Variants in HSPA4L observed in about 807,000 individuals in gnomAD.
The protein encoded by HSPA4L is heat shock 70 kDa protein 4L.
Under a neutral mutation model 100.3 loss-of-function variants are expected in HSPA4L, and 48 were observed. The observed-to-expected ratio is 0.48, with a 90% confidence interval of 0.38 to 0.61. The LOEUF is 0.61. HSPA4L is among the 20% of genes least tolerant of loss of function. The pLI is 0.00. For missense variants in HSPA4L, 886 were observed against 988.6 expected (o/e 0.90, Z 1.39); for synonymous variants, 319 against 328.2 (o/e 0.97, Z 0.30).
Position 127,805,731 on chromosome 4 carries a change from A to G in HSPA4L, c.1182A>G (p.Ile394Met). The change falls in exon 10 of 19, where the codon ATA becomes ATG. Residue 394 changes from isoleucine (I) to methionine (M), a missense_variant. Transcript: ENST00000296464. ...CATTTAAAGTGCGTGAATTTTCCATAACAGACCTTGTTCCCTATTCAATCA... is the reference window on the plus strand; with the variant it reads ...CATTTAAAGTGCGTGAATTTTCCATGACAGACCTTGTTCCCTATTCAATCA... ...SPAFKVREFS[I>M]TDLVPYSITL... 6.2e-7 allele frequency: 1 copy of G among 1,612,864 alleles called. No individual in the cohort carries two copies. The highest frequency in any genetic ancestry group is 8.5e-7 in the Non-Finnish European group (1 of 1,179,228).
intron 16 of HSPA4L, among the ~76,000 whole-genome samples, chr4:127,825,986 T>C (rs536650206): frequency 6.7e-6 from 1 of 148,152 alleles, no homozygotes; most frequent in Admixed American, 6.7e-5. Flanking sequence ...CCAGTAGAAA[T>C]AACTGGAAAT....
At chr4:127,781,860 T>C, upstream of HSPA4L, 1 of 311,760 alleles carries the variant, frequency 3.2e-6, no homozygotes, top group Non-Finnish European at 6.5e-6. Context: ...GGCGAGCCCT[T>C]CTGAGGGCAG....
chr4:127,813,562 A>C (rs893022157), intron 12 of HSPA4L: 4 of 188,784 alleles, frequency 2.1e-5, no homozygotes, highest in African/African-American at 9.6e-5. Flanking sequence ...ATGTAAATTT[A>C]ATCCATTAAG....
chr4:127,823,881 T>C (rs190443403), intron 16 of HSPA4L, among the ~76,000 whole-genome samples: 1 of 152,302 alleles, frequency 6.6e-6, no homozygotes, highest in East Asian at 1.9e-4. Context: ...TCTCAACCAA[T>C]TTTCAAATAT....
chr4:127,801,828 A>G lies in HSPA4L; in HGVS notation c.573A>G (p.Leu191=). 1 of 1,611,588 alleles carries G rather than the reference A, an allele frequency of 6.2e-7. No homozygotes were observed. Among genetic ancestry groups the G allele is most frequent in the Non-Finnish European group, 8.5e-7 (1 of 1,178,302 alleles). ...TTTATAAACAGGATCTTCCCCCATTAGATGAGAAACCAAGAAATGTAGTAT... is the reference window on the plus strand; with the variant it reads ...TTTATAAACAGGATCTTCCCCCATTGGATGAGAAACCAAGAAATGTAGTAT... The part of the protein sequence containing the change: ...YGIYKQDLPP[L]DEKPRNVVFI... Residue 191 remains leucine, a synonymous_variant, in exon 6 of 19, where the codon TTA becomes TTG. Coordinates refer to ENST00000296464, the MANE Select transcript of HSPA4L (RefSeq NM_014278.4).
intron 11 of HSPA4L, chr4:127,809,288 T>C: frequency 7.8e-7 from 1 of 1,286,390 alleles, no homozygotes. Context: ...ATCCTGGAGC[T>C]AGCATTGCAC....
chr4:127,796,115 GA>G (rs1733015317), intron 3 of HSPA4L, among the ~76,000 whole-genome samples: 1 of 151,958 alleles, frequency 6.6e-6, no homozygotes, highest in East Asian at 1.9e-4. Flanking sequence ...TATTGTCAAG[GA>G]AAAAAGTGGT....
At chr4:127,783,804 A>G in intron 1 of HSPA4L, 1 of 786,812 alleles carries the variant, frequency 1.3e-6, no homozygotes, top group Non-Finnish European at 2.0e-6. Context: ...GGAAAGCTTT[A>G]AAATATGGCA....
In HSPA4L at chr4:127,833,489, G is replaced by A. The variant is rs1395683719; in HGVS notation, c.*615G>A. ...CCAATTTTATGTTAAGGTGAAACCA[G>A]CAGTTTGCTTCTTTTATTAGTAATG... is the stretch of plus-strand genomic sequence containing the variant. On this transcript the variant is annotated 3_prime_UTR_variant, in exon 19 of 19. Transcript: ENST00000296464. 6.6e-6 allele frequency: 1 copy of A among 152,218 alleles called. No homozygotes were observed. Among genetic ancestry groups the A allele is most frequent in the African/African-American group, 2.4e-5 (1 of 41,456 alleles). The allele number at this position is 152,218 out of a possible 1,614,324, so 9.4% of individuals were successfully genotyped here.
At chr4:127,829,057 C>A (rs369872459) in intron 17 of HSPA4L, among the ~76,000 whole-genome samples, 1 of 152,000 alleles carries the variant, frequency 6.6e-6, no homozygotes, top group East Asian at 1.9e-4. Flanking sequence ...TAATAAAAAG[C>A]TGCAGAAAAA....
intron 1 of HSPA4L, among the ~76,000 whole-genome samples, chr4:127,783,143 G>T (rs1214566446): frequency 6.6e-6 from 1 of 151,250 alleles, no homozygotes; most frequent in Admixed American, 6.6e-5. Flanking sequence ...GGCTGCACAC[G>T]TCAGAGATGA....
chr4:127,802,524 G>A (rs1423790302), intron 6 of HSPA4L, among the ~76,000 whole-genome samples: 1 of 152,118 alleles, frequency 6.6e-6, no homozygotes, highest in East Asian at 1.9e-4. Context: ...AAAGGGAAAT[G>A]ACTCAGACTG....
intron 17 of HSPA4L, 38 bp from the exon 18 acceptor site, chr4:127,830,600 A>G: frequency 6.6e-7 from 1 of 1,517,310 alleles, no homozygotes; most frequent in Non-Finnish European, 8.9e-7. Flanking sequence ...TAGCTGAAAA[A>G]TCATTAACAT....
At position 127,820,555 on chromosome 4, in the gene HSPA4L, T is replaced by C. The variant is rs35518193; in HGVS notation, c.1802T>C (p.Ile601Thr). 0.043 allele frequency: 68,291 copies of C among 1,598,492 alleles called. 1,665 individuals are homozygous for C. The highest frequency in any genetic ancestry group is 0.053 in the Middle Eastern group (319 of 6,032). ...QLGQDLLNSY[I>T]ENEGKMIMQD... ...GGCCAAGATCTTCTCAACAGCTACATTGAAAATGAGGTATGTAAATCTGAG... is the reference window on the plus strand; with the variant it reads ...GGCCAAGATCTTCTCAACAGCTACACTGAAAATGAGGTATGTAAATCTGAG... The change falls in exon 14 of 19, where the codon ATT becomes ACT. Residue 601 changes from isoleucine to threonine, a missense_variant. Transcript: ENST00000296464.
At chr4:127,832,604 A>T in intron 18 of HSPA4L, 79 bp from the exon 19 acceptor site, 10 of 1,234,922 alleles carry the variant, frequency 8.1e-6, no homozygotes, top group Non-Finnish European at 1.0e-5. Flanking sequence ...AAATTTAGAA[A>T]GTTAATGTGG....
chr4:127,812,131 C>T (rs532886400), intron 12 of HSPA4L, among the ~76,000 whole-genome samples: 5 of 152,014 alleles, frequency 3.3e-5, no homozygotes, highest in South Asian at 2.1e-4. Flanking sequence ...GATTTTTGGC[C>T]GGGCGCAGTA....
intron 1 of HSPA4L, among the ~76,000 whole-genome samples, chr4:127,786,957 T>C (rs538758503): frequency 2.3e-4 from 35 of 152,364 alleles, no homozygotes; most frequent in African/African-American, 8.2e-4. Context: ...TTTTAATTTA[T>C]AGTCTGTAAT....
chr4:127,809,534 C>A, intron 11 of HSPA4L: 1 of 805,434 alleles, frequency 1.2e-6, no homozygotes, highest in South Asian at 1.4e-5. Flanking sequence ...AAGCTACTGT[C>A]ATTCAGTGCT....
At chr4:127,798,436 T>C in intron 3 of HSPA4L, 151 bp from the exon 4 acceptor site, 1 of 689,886 alleles carries the variant, frequency 1.4e-6, no homozygotes, top group Non-Finnish European at 2.4e-6. Flanking sequence ...GGGATCATGA[T>C]TCTAAAATGA....
Sources: gnomAD v4.1 joint callset for allele counts (sites outside exome capture counted in the v4.1 genomes callset) on GRCh38, gnomAD v4.1.1 for gene constraint, MANE v1.5 for transcripts, NCBI Gene and HGNC (gene_info 2026-07-23, HGNC 2026-07-21) for gene names.